MRPL3: variants seen among roughly 807,000 people sequenced by gnomAD.
The protein encoded by MRPL3 is mitochondrial ribosomal protein L3.
In MRPL3, 43 loss-of-function variants were observed where a neutral mutation model predicts 44.3. That is an observed-to-expected ratio of 0.97 (90% CI 0.76 to 1.25). The LOEUF (loss-of-function observed/expected upper bound fraction) is 1.25, where lower values mean the gene tolerates loss of function less well. MRPL3 is among the 50% of genes most tolerant of loss of function. The pLI is 0.00. For synonymous variants in MRPL3, 171 were observed against 152.3 expected, an observed-to-expected ratio of 1.12 and a Z score of -0.91; for missense variants, 406 against 427.6, an observed-to-expected ratio of 0.95 and a Z score of 0.45.
In MRPL3 at chr3:131,496,439, T is replaced by C. The variant is rs370979201; in HGVS notation, c.468+1740A>G. ...ACCATAATATTCAAAAATAGCTAAC[T>C]TCTCTAACACGAAACAAAATAAACC... On this transcript the variant is annotated intron_variant, in intron 4 of 9. Transcript: ENST00000264995. Among the ~76,000 whole-genome samples, 314 of 152,356 alleles carry C rather than the reference T, an allele frequency of 2.1e-3. 1 individual carries two copies. The highest frequency in any genetic ancestry group is 5.9e-3 in the African/African-American group (244 of 41,586).
At chr3:131,481,461 G>A (rs530952002) in intron 6 of MRPL3, among the ~76,000 whole-genome samples, 7 of 152,186 alleles carry the variant, frequency 4.6e-5, no homozygotes, top group Non-Finnish European at 1.0e-4. Flanking sequence ...ATATGGCTAT[G>A]AAGTACATTT....
intron 6 of MRPL3, chr3:131,487,095 C>T (rs1053990956): frequency 6.6e-6 from 1 of 152,342 alleles, no homozygotes; most frequent in Non-Finnish European, 1.5e-5. Context: ...AAATGTAGCA[C>T]ATATACACCA....
At chr3:131,488,805 A>G (rs1934186114) in intron 5 of MRPL3, 2 of 152,088 alleles carry the variant, frequency 1.3e-5, no homozygotes, top group East Asian at 3.8e-4. Context: ...AAAAACCTTG[A>G]ATGAAGAAAA....
intron 6 of MRPL3, among the ~76,000 whole-genome samples, chr3:131,484,902 C>A (rs1373514121): frequency 1.3e-5 from 2 of 152,140 alleles, no homozygotes; most frequent in African/African-American, 4.8e-5. Context: ...AAGATATGCA[C>A]ACACACATGC....
chr3:131,469,319 C>G (rs185141942), intron 8 of MRPL3, among the ~76,000 whole-genome samples: 1 of 151,282 alleles, frequency 6.6e-6, no homozygotes, highest in African/African-American at 2.4e-5. Context: ...GATGGCACAG[C>G]AACATACACA....
At chr3:131,463,767 TA>T (rs1933542200) in intron 9 of MRPL3, among the ~76,000 whole-genome samples, 1 of 152,176 alleles carries the variant, frequency 6.6e-6, no homozygotes, top group Non-Finnish European at 1.5e-5. Context: ...TGATGTGATC[TA>T]AAATGTTGAG....
chr3:131,462,921 A>C (rs1392864852), intron 9 of MRPL3, 46 bp from the exon 10 acceptor site: 1 of 1,527,780 alleles, frequency 6.5e-7, no homozygotes. Flanking sequence ...AGTTCTTTAA[A>C]GGTAGACTTT....
intron 5 of MRPL3, among the ~76,000 whole-genome samples, chr3:131,489,150 A>G (rs1279895302): frequency 6.6e-6 from 1 of 152,112 alleles, no homozygotes; most frequent in African/African-American, 2.4e-5. Context: ...ATATTTTAGA[A>G]CTATCCCTTT....
In MRPL3 at chr3:131,490,029, G is replaced by C; in HGVS notation, c.520C>G (p.Gln174Glu). Residue 174 changes from glutamine to glutamate, a missense_variant, in exon 5 of 10, where the codon CAG (glutamine) becomes GAG (glutamate). Coordinates refer to ENST00000264995, the MANE Select transcript of MRPL3 (RefSeq NM_007208.4). ...GTTATATTAAAGATTTTAACTGTCT[G>C]TTTCGGCGGCAATCCAAGTTCCCGG... The part of the protein sequence containing the change: ...FYRELGLPPK[Q>E]TVKIFNITDN... 1 of 1,612,130 alleles carries C rather than the reference G, an allele frequency of 6.2e-7. No individual in the cohort carries two copies. The highest frequency in any genetic ancestry group is 8.5e-7 in the Non-Finnish European group (1 of 1,178,578).
chr3:131,489,683 T>C (rs1021390136), intron 5 of MRPL3, among the ~76,000 whole-genome samples: 8 of 152,118 alleles, frequency 5.3e-5, no homozygotes, highest in African/African-American at 1.9e-4. Flanking sequence ...TGCCAGCCTG[T>C]GAACAACGAT....
chr3:131,470,637 T>C (rs1032366872), intron 7 of MRPL3, among the ~76,000 whole-genome samples: 4 of 150,930 alleles, frequency 2.7e-5, no homozygotes, highest in East Asian at 3.9e-4. Context: ...CACACACCCC[T>C]CTGTTTCTCT....
Position 131,464,435 on chromosome 3 carries a change from T to C in MRPL3, c.895-1560A>G, listed in dbSNP as rs552402149. 3.9e-5 allele frequency among the ~76,000 whole-genome samples: 6 copies of C among 152,250 alleles called. No homozygotes were observed. In the East Asian group the frequency reaches 1.2e-3, roughly 29 times the overall value. On this transcript the variant is annotated intron_variant, in intron 9 of 9. Transcript: ENST00000264995. Reference sequence around the variant, plus strand: ...GAGGGCCAAAGGTCTGCAGCCCATATGTATTTTTGTGTATTTAATCTTACC... The same window carrying C: ...GAGGGCCAAAGGTCTGCAGCCCATACGTATTTTTGTGTATTTAATCTTACC...
At chr3:131,467,037 C>A (rs1933625653) in intron 9 of MRPL3, among the ~76,000 whole-genome samples, 1 of 152,114 alleles carries the variant, frequency 6.6e-6, no homozygotes, top group South Asian at 2.1e-4. Context: ...CTGTTCTCTA[C>A]TTCTATGAAA....
intron 7 of MRPL3, 84 bp from the exon 8 acceptor site, chr3:131,469,857 A>G: frequency 1.2e-6 from 1 of 815,796 alleles, no homozygotes; most frequent in Non-Finnish European, 1.9e-6. Context: ...AACTAAAAAT[A>G]TAAATTATTA....
chr3:131,497,159 C>T (rs1934386591), intron 4 of MRPL3, among the ~76,000 whole-genome samples: 1 of 152,236 alleles, frequency 6.6e-6, no homozygotes, highest in African/African-American at 2.4e-5. Flanking sequence ...AACTTCCTCA[C>T]TAGCTTATGA....
chr3:131,501,506 A>G, intron 2 of MRPL3, 25 bp downstream of exon 2: 1 of 1,576,384 alleles, frequency 6.3e-7, no homozygotes, highest in South Asian at 1.1e-5. Context: ...AGGAAATGAG[A>G]GCTCATCAAA....
At chr3:131,496,648 T>C (rs1271290224) in intron 4 of MRPL3, among the ~76,000 whole-genome samples, 1 of 152,192 alleles carries the variant, frequency 6.6e-6, no homozygotes, top group Non-Finnish European at 1.5e-5. Context: ...ACCTAGTCCT[T>C]TCCAATCCCT....
intron 5 of MRPL3, among the ~76,000 whole-genome samples, chr3:131,489,585 T>C (rs569662395): frequency 6.6e-6 from 1 of 152,252 alleles, no homozygotes; most frequent in Non-Finnish European, 1.5e-5. Context: ...TAAGAATCTT[T>C]ACATTGAGGT....
intron 4 of MRPL3, among the ~76,000 whole-genome samples, chr3:131,494,794 G>T (rs946733960): frequency 6.6e-6 from 1 of 152,078 alleles, no homozygotes; most frequent in Non-Finnish European, 1.5e-5. Flanking sequence ...CAATGTAAAA[G>T]ACTTTTTTCT....
Sources: allele counts gnomAD v4.1 joint callset (sites outside exome capture counted in the v4.1 genomes callset), GRCh38; gene constraint gnomAD v4.1.1; transcripts MANE v1.5; gene names NCBI Gene and HGNC (gene_info 2026-07-23, HGNC 2026-07-21).